REL: variants seen among roughly 807,000 people sequenced by gnomAD.
REL encodes REL proto-oncogene, NF-kB subunit.
In REL, 15 loss-of-function variants were observed where a neutral mutation model predicts 45.9. The observed-to-expected ratio is 0.33, with a 90% CI of 0.22 to 0.50. The LOEUF (loss-of-function observed/expected upper bound fraction) is 0.50. REL is among the 20% of genes least tolerant of loss of function. The probability of loss-of-function intolerance (pLI) is 0.98; values close to 1 mark genes in which losing one functional copy is unlikely to be tolerated. For missense variants in REL, 601 were observed against 715.2 expected (o/e 0.84, Z 1.82); for synonymous variants, 239 against 242.1 (o/e 0.99, Z 0.12).
At chr2:60,900,746 C>G (rs1407408637) in intron 3 of REL, 4 of 388,758 alleles carry the variant, frequency 1.0e-5, no homozygotes, top group Non-Finnish European at 1.4e-5. Flanking sequence ...TGGTCTGGAA[C>G]TCCTGACCTC....
chr2:60,903,825 C>T (rs1673563151), intron 4 of REL, among the ~76,000 whole-genome samples: 2 of 152,174 alleles, frequency 1.3e-5, no homozygotes, highest in South Asian at 4.1e-4. Context: ...GCCACCACGC[C>T]TGGCCAGAGT....
At chr2:60,921,552 T>C (rs958290411) in intron 9 of REL, among the ~76,000 whole-genome samples, 26 of 152,238 alleles carry the variant, frequency 1.7e-4, no homozygotes, top group African/African-American at 6.3e-4. Flanking sequence ...ATTTTACCTG[T>C]ATTTGTAAAA....
chr2:60,920,002 A>G (rs778650227), intron 7 of REL, 39 bp from the exon 8 acceptor site: 4 of 1,354,074 alleles, frequency 3.0e-6, no homozygotes, highest in African/African-American at 2.9e-5. Context: ...ATACAATCCT[A>G]TAATTTTTTA....
chr2:60,904,602 A>G (rs923283113), intron 4 of REL, among the ~76,000 whole-genome samples: 3 of 149,834 alleles, frequency 2.0e-5, no homozygotes, highest in Admixed American at 6.6e-5. Flanking sequence ...AAAAAAATCA[A>G]GTAGGCCAGG....
Position 60,922,573 on chromosome 2 carries a change from CTA to C in REL, c.*43_*44del. The C allele has an allele frequency of 6.6e-7, 1 of 1,526,310 alleles. No individual in the cohort carries two copies. Among genetic ancestry groups the C allele is most frequent in the South Asian group, 1.3e-5 (1 of 78,816 alleles). 94.5% of individuals were successfully genotyped at this position (1,526,310 alleles called of 1,614,324 possible). A position where few individuals can be genotyped will look rare whatever the true frequency, so the allele number is the denominator to read the frequency against. ...AAATCCTTTTAAATCTTGATACCACCTATATAGATGCAGCATTTTGTATTTGT... is the reference window on the plus strand; with the variant it reads ...AAATCCTTTTAAATCTTGATACCACCTATAGATGCAGCATTTTGTATTTGT... On this transcript the variant is annotated 3_prime_UTR_variant, in exon 10 of 10. Transcript: ENST00000394479.
In REL at chr2:60,929,721, A is replaced by G. The variant is rs2104003345; in HGVS notation, c.*7186A>G. 6.6e-6 allele frequency: 1 copy of G among 150,958 alleles called. No homozygotes were observed. The highest frequency in any genetic ancestry group is 6.6e-5 in the Admixed American group (1 of 15,194). The allele number at this position is 150,958 out of a possible 1,614,324, so 9.4% of individuals were successfully genotyped here. On this transcript the variant is annotated 3_prime_UTR_variant, in exon 10 of 10. Coordinates refer to ENST00000394479, the MANE Select transcript of REL (RefSeq NM_001291746.2). ...CATTGGGAGATATACCTAATGCTAG[A>G]TGACGAGTTAGTGGGTGCAGTGCAC...
At chr2:60,900,478 A>G (rs1260022056) in intron 3 of REL, 1 of 152,654 alleles carries the variant, frequency 6.6e-6, no homozygotes, top group Non-Finnish European at 1.5e-5. Flanking sequence ...AAAATGATAT[A>G]GTATATATTA....
chr2:60,902,210 T>G (rs938790065), intron 4 of REL, among the ~76,000 whole-genome samples: 2 of 152,236 alleles, frequency 1.3e-5, no homozygotes, highest in African/African-American at 2.4e-5. Flanking sequence ...ATTTAAGAGA[T>G]ATGTTGATAA....
intron 1 of REL, among the ~76,000 whole-genome samples, chr2:60,888,364 G>A (rs1362395898): frequency 2.0e-5 from 3 of 151,816 alleles, no homozygotes; most frequent in Admixed American, 1.3e-4. Flanking sequence ...TAAGTAGTGG[G>A]CAGGGATTTA....
Position 60,931,142 on chromosome 2 carries a change from C to T in REL, c.*8607C>T, listed in dbSNP as rs1186539829. Reference sequence around the variant, plus strand: ...AATGAGACTTCATTGGTGATACACTCAATTTTTACTGGGTAATTAGCTAAT... The same window carrying T: ...AATGAGACTTCATTGGTGATACACTTAATTTTTACTGGGTAATTAGCTAAT... On this transcript the variant is annotated 3_prime_UTR_variant, in exon 10 of 10. Transcript: ENST00000394479. The T allele has an allele frequency of 6.6e-6, 1 of 152,272 alleles. No homozygotes were observed. The highest frequency in any genetic ancestry group is 2.4e-5 in the African/African-American group (1 of 41,430). The allele number at this position is 152,272 out of a possible 1,614,324, so 9.4% of individuals were successfully genotyped here.
At chr2:60,921,622 A>G (rs1674142314) in intron 9 of REL, 141 bp from the exon 10 acceptor site, 1 of 747,054 alleles carries the variant, frequency 1.3e-6, no homozygotes, top group African/African-American at 1.8e-5. Context: ...TGCTTTTTAC[A>G]TTTTTTTATT....
At chr2:60,921,618 T>C (rs1674142244) in intron 9 of REL, 145 bp from the exon 10 acceptor site, 1 of 726,208 alleles carries the variant, frequency 1.4e-6, no homozygotes, top group South Asian at 2.2e-5. Flanking sequence ...TTAGTGCTTT[T>C]TACATTTTTT....
chr2:60,886,759 T>G (rs1194297035), intron 1 of REL, among the ~76,000 whole-genome samples: 1 of 152,164 alleles, frequency 6.6e-6, no homozygotes, highest in Non-Finnish European at 1.5e-5. Context: ...ATTTTTTTAT[T>G]TTAAAAGCTC....
chr2:60,908,774 G>T (rs1218401196), intron 4 of REL, among the ~76,000 whole-genome samples: 1 of 152,130 alleles, frequency 6.6e-6, no homozygotes, highest in Admixed American at 6.5e-5. Flanking sequence ...GTTTTATTAG[G>T]TAGTTTACTG....
intron 1 of REL, among the ~76,000 whole-genome samples, chr2:60,889,983 A>C (rs556309152): frequency 1.5e-4 from 23 of 152,268 alleles, no homozygotes; most frequent in Middle Eastern, 3.4e-3. Context: ...ATGGCTGGGT[A>C]AAATGGTATT....
At chr2:60,894,299 AATTAC>A in intron 2 of REL, 93 bp from the exon 3 acceptor site, 1 of 723,828 alleles carries the variant, frequency 1.4e-6, no homozygotes, top group Non-Finnish European at 2.1e-6. Flanking sequence ...ATCTAGTGCC[AATTAC>A]ATTATAATTA....
At chr2:60,903,070 G>C (rs930397216) in intron 4 of REL, among the ~76,000 whole-genome samples, 20 of 152,174 alleles carry the variant, frequency 1.3e-4, no homozygotes, top group African/African-American at 4.8e-4. Flanking sequence ...TAATAGGCCA[G>C]ACTTTTAAAG....
rs1445478433 is a variant in REL at position 60,923,515 on chromosome 2, A to G, written c.*980A>G. On this transcript the variant is annotated 3_prime_UTR_variant, in exon 10 of 10. Transcript: ENST00000394479. ...TTAAAGCTCACACTCAGCATATCCA[A>G]AACTGAATTCTTGGTCTTCCCTCCC... 1 of 232,476 alleles carries G rather than the reference A, an allele frequency of 4.3e-6. No homozygotes were observed. The highest frequency in any genetic ancestry group is 2.2e-5 in the African/African-American group (1 of 45,274). The allele number at this position is 232,476 out of a possible 1,614,324, so 14.4% of individuals were successfully genotyped here.
intron 2 of REL, among the ~76,000 whole-genome samples, chr2:60,893,540 G>C (rs1673274578): frequency 6.6e-6 from 1 of 152,016 alleles, no homozygotes; most frequent in Non-Finnish European, 1.5e-5. Flanking sequence ...CATTCCAGTA[G>C]GTCCTAAACA....
Sources: allele counts gnomAD v4.1 joint callset (sites outside exome capture counted in the v4.1 genomes callset), GRCh38; gene constraint gnomAD v4.1.1; transcripts MANE v1.5; gene names NCBI Gene and HGNC (gene_info 2026-07-23, HGNC 2026-07-21).